Variants in LRP2 observed in about 807,000 individuals in gnomAD.
The protein encoded by LRP2 is LDL receptor related protein 2, also known as low-density lipoprotein receptor-related protein 2.
In LRP2, 172 loss-of-function variants were observed where a neutral mutation model predicts 531.0. That is an observed-to-expected ratio of 0.32 (90% confidence interval 0.29 to 0.37). The LOEUF is 0.37. Among genes scored for constraint, LRP2 ranks in the 10% least tolerant of loss-of-function variants. The pLI, the probability that LRP2 is intolerant of heterozygous loss-of-function variation, is 1.00. For synonymous variants in LRP2, 1,992 were observed against 2,027.6 expected, an observed-to-expected ratio of 0.98 and a Z score of 0.47; for missense variants, 5,167 against 5,868.3, an observed-to-expected ratio of 0.88 and a Z score of 3.90.
intron 31 of LRP2, among the ~76,000 whole-genome samples, chr2:169,229,400 C>G (rs1489306968): frequency 3.3e-5 from 5 of 152,038 alleles, no homozygotes; most frequent in African/African-American, 1.2e-4. Flanking sequence ...TAAGTCATAC[C>G]CTGCACAAGC....
chr2:169,139,371 G>T lies in LRP2; in HGVS notation c.13268C>A (p.Thr4423Asn), dbSNP rs1685637718. 1 of 1,614,042 alleles carries T rather than the reference G, an allele frequency of 6.2e-7. No individual in the cohort carries two copies. Among genetic ancestry groups the T allele is most frequent in the Admixed American group, 1.7e-5 (1 of 59,996 alleles). Residue 4423 changes from threonine to asparagine, a missense_variant and splice_region_variant, in exon 74 of 79, where the codon ACC becomes AAC. This residue lies in a region of LRP2 where 348 missense variants were observed against 369.3 expected (regional missense o/e 0.94). Transcript: ENST00000649046. ...GATTGTCAACAGCACAGCTACTGCG[G>T]CTATAGAAGAAGATAGCAGAGAGCA... ...AFSKGISPGTTAVAVLLTILL... is the reference protein window; with the variant it reads ...AFSKGISPGTNAVAVLLTILL...
Position 169,128,456 on chromosome 2 carries a change from A to C in LRP2, c.*207T>G. ...ACCTTCAGACAACTTCAGTGCAAAG[A>C]TATACATATAGTACATTGTGATAAT... On this transcript the variant is annotated 3_prime_UTR_variant, in exon 79 of 79. Transcript: ENST00000649046. 3.7e-6 allele frequency: 2 copies of C among 540,532 alleles called. No homozygotes were observed. The highest frequency in any genetic ancestry group is 6.6e-6 in the Non-Finnish European group (2 of 303,216). 33.5% of individuals were successfully genotyped at this position (540,532 alleles called of 1,614,324 possible).
At chr2:169,306,359 T>C (rs967495868) in intron 4 of LRP2, among the ~76,000 whole-genome samples, 5 of 151,990 alleles carry the variant, frequency 3.3e-5, no homozygotes, top group African/African-American at 1.2e-4. Flanking sequence ...CATGGTGAAA[T>C]GCCATCTCTA....
At position 169,175,292 on chromosome 2, in the gene LRP2, G is replaced by C. The variant is rs1357787814; in HGVS notation, c.10669C>G (p.Gln3557Glu). 4 of 1,614,070 alleles carry C rather than the reference G, an allele frequency of 2.5e-6. No homozygotes were observed. The highest frequency in any genetic ancestry group is 3.4e-6 in the Non-Finnish European group (4 of 1,180,040). The change falls in exon 55 of 79, where the codon CAG becomes GAG. Residue 3557 changes from glutamine (Q) to glutamate (E), a missense_variant. Transcript: ENST00000649046. ...CAGTTGCCGTCACTGCACTGGAACT[G>C]TCCCAGTCGGCAGAAGCGCTGCGGG... ...LCPQRFCRLG[Q>E]FQCSDGNCTS...
intron 26 of LRP2, 83 bp downstream of exon 26, chr2:169,239,444 C>A: frequency 6.2e-7 from 1 of 1,610,848 alleles, no homozygotes. Context: ...TCCTAATCAA[C>A]ATTGTCAAAT....
Position 169,168,716 on chromosome 2 carries a change from A to G in LRP2, c.11498-40T>C, listed in dbSNP as rs781345740. 67 of 1,611,462 alleles carry G rather than the reference A, an allele frequency of 4.2e-5. No homozygotes were observed. In the East Asian group the frequency reaches 1.5e-3, roughly 36 times the overall value. ...AAAAACATATTCAAATTATTATACA[A>G]ATTGACTACTTTGGGGAAGCTTCCT... On this transcript the variant is annotated intron_variant, in intron 60 of 78. Transcript: ENST00000649046.
At chr2:169,232,637 C>G (rs1040180170) in intron 30 of LRP2, among the ~76,000 whole-genome samples, 2 of 152,114 alleles carry the variant, frequency 1.3e-5, no homozygotes, top group Non-Finnish European at 2.9e-5. Flanking sequence ...ATGAGGGCCT[C>G]TCTGAGAAAG....
chr2:169,199,527 T>C (rs371491683), intron 44 of LRP2, among the ~76,000 whole-genome samples: 5 of 152,234 alleles, frequency 3.3e-5, no homozygotes, highest in African/African-American at 7.2e-5. Flanking sequence ...GAAGGACTTC[T>C]ATAAATGCAC....
At chr2:169,335,371 A>T (rs1161810720) in intron 1 of LRP2, among the ~76,000 whole-genome samples, 1 of 152,238 alleles carries the variant, frequency 6.6e-6, no homozygotes, top group Non-Finnish European at 1.5e-5. Flanking sequence ...TTAAGTCATT[A>T]TACTGTACAT....
intron 1 of LRP2, 40 bp downstream of exon 1, chr2:169,362,281 G>T (rs1162462847): frequency 6.6e-7 from 1 of 1,506,538 alleles, no homozygotes. Flanking sequence ...CACAGCCGGG[G>T]AAGTGGGGGC....
Position 169,132,641 on chromosome 2 carries a change from C to A in LRP2, c.13661G>T (p.Ser4554Ile), listed in dbSNP as rs770208297. The change falls in exon 77 of 79, where the codon AGT becomes ATT. Residue 4554 changes from serine to isoleucine, a missense_variant. Physicochemically the swap from Ser to Ile is moderately radical, Grantham distance 142 (BLOSUM62 -2). Transcript: ENST00000649046. Reference protein sequence around the residue: ...SENVDNKNYGSPINPSEIVPE... With the variant: ...SENVDNKNYGIPINPSEIVPE... ...AACTATCTCAGAAGGGTTTATGGGA[C>A]TTCCATAATTCTTATTATCCACATT... 3 of 1,608,676 alleles carry A rather than the reference C, an allele frequency of 1.9e-6. No individual in the cohort carries two copies.
intron 62 of LRP2, among the ~76,000 whole-genome samples, chr2:169,163,855 A>C (rs1686680113): frequency 6.6e-6 from 1 of 151,822 alleles, no homozygotes; most frequent in African/African-American, 2.4e-5. Flanking sequence ...ACAAGAAAAA[A>C]CTCTCAAAGG....
chr2:169,254,889 A>G (rs1182091400), intron 19 of LRP2, among the ~76,000 whole-genome samples: 1 of 151,978 alleles, frequency 6.6e-6, no homozygotes, highest in Non-Finnish European at 1.5e-5. Context: ...AAGGGAGTAA[A>G]TGGATGGCAG....
chr2:169,192,376 C>T (rs1405074132), intron 47 of LRP2, among the ~76,000 whole-genome samples: 3 of 151,984 alleles, frequency 2.0e-5, no homozygotes, highest in Non-Finnish European at 4.4e-5. Context: ...ATTTTGGTAA[C>T]TTTTTTTAGT....
chr2:169,257,291 C>A, intron 17 of LRP2, 42 bp from the exon 18 acceptor site: 1 of 1,601,820 alleles, frequency 6.2e-7, no homozygotes, highest in Non-Finnish European at 8.5e-7. Context: ...AACACTGGGA[C>A]AAACTACATG....
chr2:169,293,648 C>T (rs1324696307), intron 6 of LRP2, among the ~76,000 whole-genome samples: 1 of 151,162 alleles, frequency 6.6e-6, no homozygotes, highest in Non-Finnish European at 1.5e-5. Context: ...GTACTCCAGC[C>T]CAGGCAACAA....
At chr2:169,170,206 G>C (rs1307262708) in intron 59 of LRP2, among the ~76,000 whole-genome samples, 1 of 152,154 alleles carries the variant, frequency 6.6e-6, no homozygotes, top group Non-Finnish European at 1.5e-5. Flanking sequence ...AGTCATAGGA[G>C]CACATGCATA....
Position 169,186,890 on chromosome 2 carries a change from G to A in LRP2, c.9329-871C>T, listed in dbSNP as rs568911306. On this transcript the variant is annotated intron_variant, in intron 49 of 78. Coordinates refer to ENST00000649046, the MANE Select transcript of LRP2 (RefSeq NM_004525.3). The stretch of plus-strand genomic sequence containing the variant: ...AGGCAAAATTAATTAAAATGCAATG[G>A]GAATCTATATGAATTAGGAGTAAAC... Among the ~76,000 whole-genome samples the A allele has an allele frequency of 4.6e-5, 7 of 152,228 alleles. No individual in the cohort carries two copies. The South Asian group carries it at 1.5e-3, about 32-fold the overall frequency.
intron 49 of LRP2, among the ~76,000 whole-genome samples, chr2:169,186,868 C>T (rs1443856751): frequency 6.6e-6 from 1 of 152,036 alleles, no homozygotes; most frequent in Non-Finnish European, 1.5e-5. Flanking sequence ...TGAGGTAAGG[C>T]AAAATTAATT....
Sources: allele counts gnomAD v4.1 joint callset (sites outside exome capture counted in the v4.1 genomes callset), GRCh38; gene constraint gnomAD v4.1.1; regional missense constraint gnomAD v4.1.1; transcripts MANE v1.5; gene names NCBI Gene and HGNC (gene_info 2026-07-23, HGNC 2026-07-21).